ANK2: variants seen among roughly 807,000 people sequenced by gnomAD.
ANK2 encodes the protein ankyrin 2, also known as ankyrin-2.
A neutral mutation model predicts 360.5 loss-of-function variants in ANK2; 83 were observed. The ratio of observed to expected loss-of-function variants is 0.23; its 90% CI spans 0.19 to 0.28. The LOEUF (loss-of-function observed/expected upper bound fraction) is 0.28. ANK2 is among the 10% of genes least tolerant of loss of function. ANK2 has a pLI of 1.00. For synonymous variants in ANK2, 1,740 were observed against 1,759.5 expected (o/e 0.99, Z 0.28); for missense variants, 4,201 against 4,795.7 (o/e 0.88, Z 3.66).
intron 1 of ANK2, among the ~76,000 whole-genome samples, chr4:112,875,689 CTGGATATTTCTG>C (rs1450555322): frequency 1.3e-5 from 2 of 151,324 alleles, no homozygotes; most frequent in Non-Finnish European, 2.9e-5. Context: ...GAAATATTTC[CTGGATATTTCTG>C]TGGATATTTC....
chr4:113,177,475 C>T (rs1187568774), intron 2 of ANK2, among the ~76,000 whole-genome samples: 1 of 152,080 alleles, frequency 6.6e-6, no homozygotes, highest in Non-Finnish European at 1.5e-5. Flanking sequence ...GACAATGAAA[C>T]CGTTAGTTCA....
intron 2 of ANK2, among the ~76,000 whole-genome samples, chr4:112,931,115 C>T (rs551043950): frequency 1.9e-4 from 29 of 152,220 alleles, no homozygotes; most frequent in Admixed American, 5.9e-4. Flanking sequence ...TCCTTCAGTC[C>T]TTTCCTCACA....
chr4:112,861,843 G>C (rs1285219710), intron 1 of ANK2, among the ~76,000 whole-genome samples: 5 of 145,916 alleles, frequency 3.4e-5, no homozygotes, highest in Non-Finnish European at 5.9e-5. Flanking sequence ...TAGAGACAGA[G>C]AGAGAGAGAG....
chr4:112,739,833 G>A, the ANK2 span, among the ~76,000 whole-genome samples: 1 of 151,922 alleles, frequency 6.6e-6, no homozygotes, highest in East Asian at 1.9e-4. Context: ...GCAACATGGC[G>A]AAAACCCATC....
rs1331169046 is a variant in ANK2 at position 113,333,088 on chromosome 4, C to T, written c.3259C>T (p.Leu1087Phe). ...VIVEIPHFAA[L>F]RGKERELVVL... ...CGTGGAGATCCCTCACTTTGCGGCC[C>T]TTCGAGGAAAGGAAAGGGAACTGGT... The change falls in exon 29 of 46, where the codon CTT becomes TTT. Residue 1087 changes from leucine (L) to phenylalanine (F), a missense_variant. This residue lies in a region of ANK2 where 1,268 missense variants were observed against 1,650.8 expected (regional missense o/e 0.77). Coordinates refer to ENST00000357077, the MANE Select transcript of ANK2 (RefSeq NM_001148.6). 5.0e-6 allele frequency: 8 copies of T among 1,614,058 alleles called. No individual in the cohort carries two copies. Among genetic ancestry groups the T allele is most frequent in the Non-Finnish European group, 6.8e-6 (8 of 1,180,040 alleles).
At chr4:113,097,233 CT>C (rs1450414979) in intron 1 of ANK2, among the ~76,000 whole-genome samples, 1 of 151,538 alleles carries the variant, frequency 6.6e-6, no homozygotes, top group Non-Finnish European at 1.5e-5. Flanking sequence ...CAAGTATTCA[CT>C]CCCCTAAATT....
chr4:112,860,047 G>A (rs2150083823), intron 1 of ANK2, among the ~76,000 whole-genome samples: 1 of 152,262 alleles, frequency 6.6e-6, no homozygotes, highest in Admixed American at 6.5e-5. Flanking sequence ...TCTAGTGAAA[G>A]GAGGATTCAT....
At chr4:113,143,419 A>G (rs1228976394) in intron 1 of ANK2, among the ~76,000 whole-genome samples, 2 of 152,244 alleles carry the variant, frequency 1.3e-5, no homozygotes, top group Admixed American at 1.3e-4. Flanking sequence ...TGCTGTGGTT[A>G]AATATTCCTT....
chr4:113,170,841 C>T (rs2097916498), intron 1 of ANK2, among the ~76,000 whole-genome samples: 2 of 152,070 alleles, frequency 1.3e-5, no homozygotes, highest in African/African-American at 4.8e-5. Context: ...AGATGTCACT[C>T]CAGGGTTATA....
chr4:113,205,444 G>T, intron 4 of ANK2, among the ~76,000 whole-genome samples: 1 of 151,614 alleles, frequency 6.6e-6, no homozygotes, highest in East Asian at 1.9e-4. Flanking sequence ...GTTCTTACTT[G>T]GCATTTTTGA....
the ANK2 span, among the ~76,000 whole-genome samples, chr4:112,809,344 G>A: frequency 6.7e-6 from 1 of 149,732 alleles, no homozygotes; most frequent in East Asian, 2.1e-4. Context: ...GATGGATCAC[G>A]AGGTCAGGAG....
chr4:113,168,379 C>T (rs936964803), intron 1 of ANK2, among the ~76,000 whole-genome samples: 5 of 152,204 alleles, frequency 3.3e-5, no homozygotes, highest in Admixed American at 2.6e-4. Context: ...ACTCTTTCTT[C>T]TTCCCCTAAC....
intron 5 of ANK2, among the ~76,000 whole-genome samples, chr4:113,235,200 G>A (rs2099361936): frequency 6.6e-6 from 1 of 152,272 alleles, no homozygotes; most frequent in East Asian, 1.9e-4. Context: ...ATTTAAATAT[G>A]TATGTGCTAA....
the ANK2 span, among the ~76,000 whole-genome samples, chr4:112,805,110 T>C: frequency 3.3e-5 from 5 of 152,278 alleles, no homozygotes; most frequent in Admixed American, 3.3e-4. Flanking sequence ...TGAGGAAGGA[T>C]GTGACCAGAT....
Position 113,026,954 on chromosome 4 carries a change from T to C in ANK2, c.21+122440T>C, listed in dbSNP as rs143441770. Among the ~76,000 whole-genome samples, 395 of 152,196 alleles carry C rather than the reference T, an allele frequency of 2.6e-3. 3 individuals carry two copies. The highest frequency in any genetic ancestry group is 9.2e-3 in the African/African-American group (382 of 41,548). On this transcript the variant is annotated intron_variant, in intron 2 of 30. Transcript: ENST00000503271. The stretch of plus-strand genomic sequence containing the variant: ...GTTAAAGGGATTAGAGGTGAGAAAC[T>C]GGGAGATCCAGAGGTATGCTGCTTT...
chr4:113,259,513 C>T (rs921117745), intron 13 of ANK2, among the ~76,000 whole-genome samples: 2 of 152,078 alleles, frequency 1.3e-5, no homozygotes, highest in Non-Finnish European at 2.9e-5. Flanking sequence ...CTAGGAAAAT[C>T]CATTGTGAGA....
At chr4:113,188,443 C>T (rs1057220672) in intron 2 of ANK2, among the ~76,000 whole-genome samples, 22 of 152,228 alleles carry the variant, frequency 1.4e-4, no homozygotes, top group African/African-American at 5.3e-4. Flanking sequence ...GACAACATTT[C>T]TTCTACTTAT....
chr4:113,187,895 T>G (rs2098558418), intron 2 of ANK2, among the ~76,000 whole-genome samples: 1 of 152,196 alleles, frequency 6.6e-6, no homozygotes, highest in South Asian at 2.1e-4. Flanking sequence ...AAGTGGGAAA[T>G]AATAATACCT....
intron 2 of ANK2, among the ~76,000 whole-genome samples, chr4:113,029,336 G>A (rs1288039897): frequency 6.6e-6 from 1 of 152,000 alleles, no homozygotes; most frequent in African/African-American, 2.4e-5. Flanking sequence ...CTGGGCTCAA[G>A]CAATTCTCCT....
Sources: gnomAD v4.1 joint callset for allele counts (sites outside exome capture counted in the v4.1 genomes callset) on GRCh38, gnomAD v4.1.1 for gene constraint, gnomAD v4.1.1 regional missense constraint, MANE v1.5 for transcripts, NCBI Gene and HGNC (gene_info 2026-07-23, HGNC 2026-07-21) for gene names.